The following PCDH9 variants were observed in gnomAD, a reference collection of about 807,000 sequenced individuals.
PCDH9 encodes the protein protocadherin-9.
Under a neutral mutation model 70.6 loss-of-function variants are expected in PCDH9, and 24 were observed. That is an observed-to-expected ratio of 0.34 (90% CI 0.25 to 0.48). The LOEUF (loss-of-function observed/expected upper bound fraction) is 0.48. Among genes scored for constraint, PCDH9 ranks in the 20% least tolerant of loss-of-function variants. The probability of loss-of-function intolerance (pLI) is 0.99; values close to 1 mark genes in which losing one functional copy is unlikely to be tolerated. For missense variants in PCDH9, 1,281 were observed against 1,503.6 expected (o/e 0.85, Z 2.45); for synonymous variants, 562 against 558.5 (o/e 1.01, Z -0.09).
chr13:66,850,234 A>G (rs970632794), intron 3 of PCDH9, among the ~76,000 whole-genome samples: 1 of 152,236 alleles, frequency 6.6e-6, no homozygotes, highest in Non-Finnish European at 1.5e-5. Flanking sequence ...AGTAAGTTCA[A>G]TTGGCCAGTC....
intron 3 of PCDH9, among the ~76,000 whole-genome samples, chr13:66,845,227 G>C (rs911855265): frequency 6.6e-6 from 1 of 152,188 alleles, no homozygotes; most frequent in African/African-American, 2.4e-5. Flanking sequence ...AGGGGCAGCT[G>C]TAGGCCAGTG....
At chr13:66,844,977 G>A (rs2081181397) in intron 3 of PCDH9, among the ~76,000 whole-genome samples, 1 of 152,120 alleles carries the variant, frequency 6.6e-6, no homozygotes, top group Non-Finnish European at 1.5e-5. Flanking sequence ...AGTTTTGCTT[G>A]TCTGGATGAG....
chr13:67,163,553 C>T (rs1046802383), intron 2 of PCDH9, among the ~76,000 whole-genome samples: 1 of 152,180 alleles, frequency 6.6e-6, no homozygotes, highest in African/African-American at 2.4e-5. Context: ...ATCATTTTAA[C>T]ATCTCATTTT....
chr13:66,705,673 A>G (rs2078702029), intron 3 of PCDH9, among the ~76,000 whole-genome samples: 1 of 152,204 alleles, frequency 6.6e-6, no homozygotes, highest in African/African-American at 2.4e-5. Flanking sequence ...TCTAAAATGC[A>G]GTTTTTGCTC....
At chr13:66,412,415 C>T (rs1957386043) in intron 4 of PCDH9, among the ~76,000 whole-genome samples, 1 of 152,114 alleles carries the variant, frequency 6.6e-6, no homozygotes, top group Admixed American at 6.6e-5. Flanking sequence ...TCTGATAGGC[C>T]CTTTCCTTAG....
intron 4 of PCDH9, among the ~76,000 whole-genome samples, chr13:66,315,462 G>A (rs2138073372): frequency 6.6e-6 from 1 of 151,814 alleles, no homozygotes; most frequent in African/African-American, 2.4e-5. Flanking sequence ...CCTGCAAACT[G>A]CATGGCCCAA....
intron 2 of PCDH9, among the ~76,000 whole-genome samples, chr13:67,173,911 CT>C (rs1227084290): frequency 6.6e-6 from 1 of 152,072 alleles, no homozygotes; most frequent in Non-Finnish European, 1.5e-5. Flanking sequence ...CAAAAGCTAA[CT>C]CTTTTCAACA....
chr13:66,491,888 G>A (rs1264490260), intron 4 of PCDH9, among the ~76,000 whole-genome samples: 2 of 152,028 alleles, frequency 1.3e-5, no homozygotes, highest in Admixed American at 1.3e-4. Context: ...CCACATCGCG[G>A]GACTGTGATA....
At chr13:66,907,476 G>C (rs1021846503) in intron 2 of PCDH9, among the ~76,000 whole-genome samples, 60 of 152,126 alleles carry the variant, frequency 3.9e-4, no homozygotes, top group African/African-American at 1.4e-3. Context: ...TTGAAAGTCT[G>C]TATTGCAATA....
At chr13:66,460,714 G>A (rs564011675) in intron 4 of PCDH9, among the ~76,000 whole-genome samples, 5 of 151,786 alleles carry the variant, frequency 3.3e-5, no homozygotes, top group Admixed American at 2.0e-4. Flanking sequence ...AGATGAGTCA[G>A]TGGAGAGACA....
chr13:66,626,314 G>T (rs1026190877), intron 4 of PCDH9, among the ~76,000 whole-genome samples: 1 of 152,156 alleles, frequency 6.6e-6, no homozygotes, highest in South Asian at 2.1e-4. Flanking sequence ...AGATTACATC[G>T]TAGAGTCCAG....
chr13:66,844,411 C>T (rs7982600), intron 3 of PCDH9, among the ~76,000 whole-genome samples: 5,018 of 151,866 alleles, frequency 0.033, 272 homozygotes, highest in African/African-American at 0.11. Context: ...ATGGTGAAAT[C>T]CTGTCTCTAC....
rs551428021 is a variant in PCDH9 at position 67,123,816 on chromosome 13, CT to C, written c.3036+101588del. ...AAGTTAGTTTATTTTTGTATTTTCC[CT>C]TTGTAAAACACCTTGTCACAGTAGA... On this transcript the variant is annotated intron_variant, in intron 2 of 4. Coordinates refer to ENST00000377865, the MANE Select transcript of PCDH9 (RefSeq NM_203487.3). Among the ~76,000 whole-genome samples, 13 of 151,722 alleles carry C rather than the reference CT, an allele frequency of 8.6e-5. 1 individual carries two copies. The East Asian group carries it at 2.3e-3, about 27-fold the overall frequency.
At chr13:66,944,825 G>T (rs2083062200) in intron 2 of PCDH9, among the ~76,000 whole-genome samples, 1 of 143,756 alleles carries the variant, frequency 7.0e-6, no homozygotes, top group Admixed American at 6.8e-5. Flanking sequence ...CTCTGTGTGT[G>T]TGTGTGTGTG....
At chr13:66,373,968 T>G (rs1158621881) in intron 4 of PCDH9, among the ~76,000 whole-genome samples, 3 of 152,118 alleles carry the variant, frequency 2.0e-5, no homozygotes, top group Non-Finnish European at 4.4e-5. Flanking sequence ...ATTAGTGTTT[T>G]GCGTACAAGA....
intron 2 of PCDH9, among the ~76,000 whole-genome samples, chr13:66,910,200 T>C (rs2082436803): frequency 6.6e-6 from 1 of 152,242 alleles, no homozygotes; most frequent in East Asian, 1.9e-4. Flanking sequence ...TTGCAGAGGG[T>C]CCAGCCAGAT....
At chr13:66,637,164 C>T (rs17081575) in intron 3 of PCDH9, among the ~76,000 whole-genome samples, 1 of 152,078 alleles carries the variant, frequency 6.6e-6, no homozygotes, top group Non-Finnish European at 1.5e-5. Context: ...CACATTTCCT[C>T]TTAATAAAAT....
At chr13:66,662,973 T>C (rs1245535609) in intron 3 of PCDH9, among the ~76,000 whole-genome samples, 1 of 152,156 alleles carries the variant, frequency 6.6e-6, no homozygotes, top group African/African-American at 2.4e-5. Context: ...TAAAAAGAAA[T>C]AACAGTGTAT....
intron 4 of PCDH9, among the ~76,000 whole-genome samples, chr13:66,373,914 C>G (rs1485286629): frequency 6.6e-6 from 1 of 152,032 alleles, no homozygotes; most frequent in African/African-American, 2.4e-5. Flanking sequence ...ATCAGTAATA[C>G]CTGCTTATAT....
Sources: allele counts gnomAD v4.1 joint callset (sites outside exome capture counted in the v4.1 genomes callset), GRCh38; gene constraint gnomAD v4.1.1; transcripts MANE v1.5; gene names NCBI Gene and HGNC (gene_info 2026-07-23, HGNC 2026-07-21).